LOC400499: variants seen among roughly 807,000 people sequenced by gnomAD.
At chr16:11,459,290 G>C in the LOC400499 span, among the ~76,000 whole-genome samples, 27 of 149,676 alleles carry the variant, frequency 1.8e-4, no homozygotes, top group Admixed American at 7.3e-4. Context: ...TCCGCCTCTG[G>C]GGTTCAAGCC....
At chr16:11,485,689 C>A in the LOC400499 span, among the ~76,000 whole-genome samples, 7 of 152,272 alleles carry the variant, frequency 4.6e-5, no homozygotes, top group African/African-American at 1.7e-4. Context: ...CATCCATCTG[C>A]TTTTCCTTTC....
the LOC400499 span, among the ~76,000 whole-genome samples, chr16:11,489,526 G>C: frequency 5.3e-5 from 8 of 152,290 alleles, no homozygotes; most frequent in East Asian, 1.5e-3. Context: ...GTCCTACAGG[G>C]AGCCCCCAAC....
At chr16:11,399,269 T>C in the LOC400499 span, 1 of 984,654 alleles carries the variant, frequency 1.0e-6, no homozygotes, top group Non-Finnish European at 1.2e-6. Context: ...GCTTTTCTTG[T>C]CTTCCAGAGC....
the LOC400499 span, among the ~76,000 whole-genome samples, chr16:11,447,464 A>C: frequency 6.6e-6 from 1 of 152,104 alleles, no homozygotes. Context: ...AATGAATGTA[A>C]ATGGGATAAA....
the LOC400499 span, chr16:11,399,880 G>A: frequency 1.6e-4 from 62 of 398,460 alleles, no homozygotes; most frequent in African/African-American, 1.0e-3. Context: ...AGAGGTTAAC[G>A]GTGTCCCCAC....
the LOC400499 span, among the ~76,000 whole-genome samples, chr16:11,519,405 A>C: frequency 1.3e-5 from 2 of 152,070 alleles, no homozygotes; most frequent in Non-Finnish European, 2.9e-5. Flanking sequence ...CTTTCTAAAA[A>C]TGGAAAATAT....
chr16:11,415,346 T>C, the LOC400499 span, among the ~76,000 whole-genome samples: 1 of 152,174 alleles, frequency 6.6e-6, no homozygotes, highest in South Asian at 2.1e-4. Flanking sequence ...AGCTCACGGC[T>C]CAGGCCCAAG....
At chr16:11,446,487 G>A in the LOC400499 span, 13 of 1,435,278 alleles carry the variant, frequency 9.1e-6, no homozygotes, top group South Asian at 7.4e-5. Context: ...CCTATTGAGC[G>A]ATGACAGCAA....
chr16:11,430,439 G>C, the LOC400499 span, among the ~76,000 whole-genome samples: 7 of 152,114 alleles, frequency 4.6e-5, no homozygotes, highest in Non-Finnish European at 1.0e-4. Context: ...GCAGTGAGCT[G>C]AGATTGCTCC....
the LOC400499 span, chr16:11,423,037 G>C: frequency 1.0e-5 from 4 of 397,332 alleles, no homozygotes; most frequent in Admixed American, 1.3e-4. Flanking sequence ...TTTTGAAGGA[G>C]GGGGACCATG....
At chr16:11,526,885 T>C in the LOC400499 span, among the ~76,000 whole-genome samples, 1 of 152,114 alleles carries the variant, frequency 6.6e-6, no homozygotes, top group Non-Finnish European at 1.5e-5. Context: ...CCCCAATCCC[T>C]GCCTTGTCTG....
chr16:11,509,603 G>T, the LOC400499 span, among the ~76,000 whole-genome samples: 1 of 151,552 alleles, frequency 6.6e-6, no homozygotes, highest in Non-Finnish European at 1.5e-5. Flanking sequence ...GGCCAAGGTG[G>T]GTGGATCACC....
chr16:11,375,399 T>C, the LOC400499 span, among the ~76,000 whole-genome samples: 3 of 137,978 alleles, frequency 2.2e-5, no homozygotes, highest in African/African-American at 5.9e-5. Context: ...CTGCAACCTC[T>C]GCCTCCCGTG....
the LOC400499 span, chr16:11,392,181 G>C: frequency 2.5e-6 from 1 of 399,082 alleles, no homozygotes; most frequent in African/African-American, 2.1e-5. Context: ...AGCAGGTGTG[G>C]GCCTCACAAT....
chr16:11,395,774 G>T, the LOC400499 span, among the ~76,000 whole-genome samples: 328 of 152,284 alleles, frequency 2.2e-3, 1 homozygote, highest in African/African-American at 7.5e-3. Context: ...CAGGGAGACA[G>T]AGGAGGTGGA....
the LOC400499 span, chr16:11,404,939 T>TG: frequency 2.5e-6 from 1 of 398,620 alleles, no homozygotes; most frequent in Non-Finnish European, 4.4e-6. Flanking sequence ...AAGAGAAGCT[T>TG]GCAGAGGAGG....
chr16:11,451,443 G>A, the LOC400499 span, among the ~76,000 whole-genome samples: 3 of 152,076 alleles, frequency 2.0e-5, no homozygotes, highest in Non-Finnish European at 4.4e-5. Context: ...AGCCAGGCAC[G>A]GTGGTGCTCA....
At chr16:11,440,399 A>G in the LOC400499 span, among the ~76,000 whole-genome samples, 2 of 152,180 alleles carry the variant, frequency 1.3e-5, no homozygotes, top group Non-Finnish European at 2.9e-5. Flanking sequence ...CCTCCTACAT[A>G]ATTCTCCACT....
chr16:11,393,154 A>AC, the LOC400499 span, among the ~76,000 whole-genome samples: 3,423 of 129,300 alleles, frequency 0.026, 179 homozygotes, highest in African/African-American at 0.094. Context: ...ACGCCTGGCC[A>AC]CCCCCCCCCC....
Sources: allele counts gnomAD v4.1 joint callset (sites outside exome capture counted in the v4.1 genomes callset), GRCh38; gene constraint gnomAD v4.1.1; transcripts MANE v1.5.